The following KPNA4 variants were observed in gnomAD, a reference collection of about 807,000 sequenced individuals.
The protein encoded by KPNA4 is importin subunit alpha-3.
Under a neutral mutation model 71.3 loss-of-function variants are expected in KPNA4, and 13 were observed. The ratio of observed to expected loss-of-function variants is 0.18; its 90% CI spans 0.12 to 0.29. KPNA4 has a LOEUF of 0.29. Ranked by LOEUF, KPNA4 falls within the 10% of genes least tolerant of loss-of-function variation. KPNA4 has a pLI of 1.00. For missense variants in KPNA4, 334 were observed against 603.2 expected, an observed-to-expected ratio of 0.55 and a Z score of 4.67; for synonymous variants, 189 against 195.2, an observed-to-expected ratio of 0.97 and a Z score of 0.26.
intron 16 of KPNA4, among the ~76,000 whole-genome samples, chr3:160,504,060 G>A (rs1168090684): frequency 6.6e-6 from 1 of 151,826 alleles, no homozygotes. Flanking sequence ...CTCCAGCCTG[G>A]GCCCCGTCTT....
intron 7 of KPNA4, among the ~76,000 whole-genome samples, chr3:160,530,034 CG>C: frequency 6.9e-6 from 1 of 145,010 alleles, no homozygotes; most frequent in East Asian, 2.0e-4. Context: ...ACTTGGGAGA[CG>C]GAAGCAGGAG....
At position 160,529,851 on chromosome 3, in the gene KPNA4, C is replaced by A. The variant is rs148055594; in HGVS notation, c.469+1004G>T. ...ATTTCTTTAAAATATATGATATGGC[C>A]GGGCGTGGTGGCTCACACCTGTAAT... On this transcript the variant is annotated intron_variant, in intron 7 of 16. Coordinates refer to ENST00000334256, the MANE Select transcript of KPNA4 (RefSeq NM_002268.5). Among the ~76,000 whole-genome samples the A allele has an allele frequency of 2.6e-5, 4 of 151,974 alleles. No individual in the cohort carries two copies. The East Asian group carries it at 7.7e-4, about 29-fold the overall frequency.
chr3:160,528,135 C>G (rs1016359750), intron 7 of KPNA4, 96 bp from the exon 8 acceptor site: 1 of 767,176 alleles, frequency 1.3e-6, no homozygotes, highest in Non-Finnish European at 2.1e-6. Context: ...AAAAAGGGAA[C>G]CTATAAAAAT....
chr3:160,557,604 G>GA (rs1455353342), intron 1 of KPNA4, among the ~76,000 whole-genome samples: 6 of 152,110 alleles, frequency 3.9e-5, no homozygotes, highest in Non-Finnish European at 7.4e-5. Flanking sequence ...AAAATTTAGG[G>GA]AAAAAATGAC....
rs775752599 is a variant in KPNA4, at chr3:160,530,847, C to G, written c.469+8G>C. On this transcript the variant is annotated splice_region_variant and intron_variant, in intron 7 of 16. Transcript: ENST00000334256. ...AATCACAATTATGTTTATTAATAAC[C>G]AACTTACTGGACTGAACTACTGCTT... The G allele has an allele frequency of 1.3e-5, 20 of 1,588,094 alleles. No individual in the cohort carries two copies. Among genetic ancestry groups the G allele is most frequent in the Non-Finnish European group, 1.6e-5 (19 of 1,165,292 alleles).
Position 160,558,707 on chromosome 3 carries a change from G to C in KPNA4, c.69+6507C>G, listed in dbSNP as rs186268528. 1.9e-3 allele frequency among the ~76,000 whole-genome samples: 286 copies of C among 152,208 alleles called. 1 individual carries two copies. Among genetic ancestry groups the C allele is most frequent in the Non-Finnish European group, 3.1e-3 (212 of 68,016 alleles). ...ATGTGGGTCCTGAGACCTTTACAGA[G>C]AGTACACAGGGTCAAAACTATTTTC... On this transcript the variant is annotated intron_variant, in intron 1 of 16. Transcript: ENST00000334256.
At chr3:160,530,401 C>A (rs1721550476) in intron 7 of KPNA4, among the ~76,000 whole-genome samples, 1 of 151,816 alleles carries the variant, frequency 6.6e-6, no homozygotes, top group African/African-American at 2.4e-5. Flanking sequence ...GTCTCTTGAG[C>A]CTGGGAGGCC....
At chr3:160,530,696 A>G (rs1398690571) in intron 7 of KPNA4, among the ~76,000 whole-genome samples, 159 bp downstream of exon 7, 2 of 152,254 alleles carry the variant, frequency 1.3e-5, no homozygotes, top group Non-Finnish European at 2.9e-5. Flanking sequence ...CACCAGAATA[A>G]GAAGATTAAA....
At chr3:160,551,561 T>A (rs958104887) in intron 1 of KPNA4, among the ~76,000 whole-genome samples, 15 of 152,288 alleles carry the variant, frequency 9.8e-5, no homozygotes. Flanking sequence ...GAATGTTAAA[T>A]GTGAGGTGGG....
intron 15 of KPNA4, among the ~76,000 whole-genome samples, chr3:160,507,387 C>A (rs905438871): frequency 6.6e-6 from 1 of 151,374 alleles, no homozygotes; most frequent in Non-Finnish European, 1.5e-5. Context: ...GTAATCCCAG[C>A]TACTCAGGAG....
intron 14 of KPNA4, among the ~76,000 whole-genome samples, chr3:160,509,230 T>C (rs1577045975): frequency 6.6e-6 from 1 of 152,222 alleles, no homozygotes; most frequent in South Asian, 2.1e-4. Context: ...AGTTCCTAAG[T>C]CCTAGCCATC....
chr3:160,561,157 AGTT>A (rs71987066), intron 1 of KPNA4, among the ~76,000 whole-genome samples: 5,067 of 152,032 alleles, frequency 0.033, 138 homozygotes, highest in Non-Finnish European at 0.05. Flanking sequence ...ATTTAGGGTA[AGTT>A]GTTTTCTTAA....
chr3:160,543,791 G>C (rs913963898), intron 1 of KPNA4, among the ~76,000 whole-genome samples: 2 of 152,056 alleles, frequency 1.3e-5, no homozygotes, highest in Non-Finnish European at 2.9e-5. Context: ...GTTGCTTGGT[G>C]TTTTCATATC....
rs1720845192 is a variant in KPNA4, at chr3:160,500,054, T to G, written c.*2050A>C. On this transcript the variant is annotated 3_prime_UTR_variant, in exon 17 of 17. Transcript: ENST00000334256. ...ACTGAAATGACAGAACCAAAGAAAT[T>G]TCTTATTATGCTGGTTCTAGGTAAA... 6.7e-6 allele frequency: 1 copy of G among 149,568 alleles called. No individual in the cohort carries two copies. Among genetic ancestry groups the G allele is most frequent in the Admixed American group, 6.6e-5 (1 of 15,098 alleles). The allele number at this position is 149,568 out of a possible 1,614,324, so 9.3% of individuals were successfully genotyped here.
intron 1 of KPNA4, chr3:160,564,770 C>G (rs1722305950): frequency 6.6e-6 from 1 of 152,038 alleles, no homozygotes. Context: ...GCCACACGCT[C>G]ACCCTCCCAT....
intron 10 of KPNA4, among the ~76,000 whole-genome samples, chr3:160,525,386 TTG>T (rs55735627): frequency 0.44 from 67,270 of 151,892 alleles, 16,393 homozygotes; most frequent in Non-Finnish European, 0.55. Context: ...ATAGCACTAT[TTG>T]TGTGTGCTTT....
intron 1 of KPNA4, among the ~76,000 whole-genome samples, chr3:160,542,313 A>C (rs1439549120): frequency 6.6e-6 from 1 of 152,252 alleles, no homozygotes; most frequent in Non-Finnish European, 1.5e-5. Flanking sequence ...GTGAACCAAA[A>C]GCTAAAACAG....
At chr3:160,531,933 C>T (rs1423457552) in intron 5 of KPNA4, among the ~76,000 whole-genome samples, 1 of 152,156 alleles carries the variant, frequency 6.6e-6, no homozygotes, top group Non-Finnish European at 1.5e-5. Context: ...GCTGGGATTA[C>T]AGGCGTGCGC....
chr3:160,562,083 T>G (rs1207847175), intron 1 of KPNA4, among the ~76,000 whole-genome samples: 2 of 152,124 alleles, frequency 1.3e-5, no homozygotes, highest in Non-Finnish European at 2.9e-5. Flanking sequence ...AAATAAACTG[T>G]TAGATCATAA....
Sources: gnomAD v4.1 joint callset for allele counts (sites outside exome capture counted in the v4.1 genomes callset) on GRCh38, gnomAD v4.1.1 for gene constraint, MANE v1.5 for transcripts, NCBI Gene and HGNC (gene_info 2026-07-23, HGNC 2026-07-21) for gene names.